Variants in KIRREL3 observed in about 807,000 individuals in gnomAD.
The protein encoded by KIRREL3 is kirre like nephrin family adhesion molecule 3.
A neutral mutation model predicts 89.7 loss-of-function variants in KIRREL3; 36 were observed. The ratio of observed to expected loss-of-function variants is 0.40; its 90% CI spans 0.31 to 0.53. KIRREL3 has a LOEUF of 0.53. KIRREL3 is among the 20% of genes least tolerant of loss of function. KIRREL3 has a pLI of 0.49. For missense variants in KIRREL3, 864 were observed against 1,056.6 expected (o/e 0.82, Z 2.53); for synonymous variants, 445 against 441.4 (o/e 1.01, Z -0.10).
chr11:126,949,887 A>G (rs1009024678), intron 1 of KIRREL3, among the ~76,000 whole-genome samples: 13 of 152,204 alleles, frequency 8.5e-5, no homozygotes. Context: ...AGCCAAGCTC[A>G]CATCGAGTTC....
chr11:126,581,144 G>T (rs1030132627), intron 1 of KIRREL3, among the ~76,000 whole-genome samples: 1 of 152,010 alleles, frequency 6.6e-6, no homozygotes, highest in Admixed American at 6.6e-5. Flanking sequence ...TCCTCTCATT[G>T]ATTAAATTTT....
chr11:126,513,733 T>C lies in KIRREL3; in HGVS notation c.433+7582A>G, dbSNP rs1372447242. 6.6e-6 allele frequency among the ~76,000 whole-genome samples: 1 copy of C among 151,986 alleles called. No homozygotes were observed. Among genetic ancestry groups the C allele is most frequent in the Non-Finnish European group, 1.5e-5 (1 of 67,972 alleles). ...GGCAGGGAGATTGTGGGGGGCGACCTTGGAGTGCAGCAGGAGGGCAGGGCT... is the reference window on the plus strand; with the variant it reads ...GGCAGGGAGATTGTGGGGGGCGACCCTGGAGTGCAGCAGGAGGGCAGGGCT... On this transcript the variant is annotated intron_variant, in intron 4 of 16. Transcript: ENST00000525144. The surrounding 1 kb of genome is among the most constrained non-coding windows in gnomAD (Gnocchi z 5.9).
chr11:126,743,067 C>T (rs929525038), intron 1 of KIRREL3, among the ~76,000 whole-genome samples: 1 of 152,208 alleles, frequency 6.6e-6, no homozygotes, highest in African/African-American at 2.4e-5. Flanking sequence ...TTCCCTTAGA[C>T]AGGGCAGATG....
Position 126,603,802 on chromosome 11 carries a change from TGGGAA to T in KIRREL3, c.56-40895_56-40891del, listed in dbSNP as rs558362088. ...GCTCCGGATTGACCAGGGTTTCTGA[TGGGAA>T]GGGATGTATGGGAGAAGCCAGGGAG... On this transcript the variant is annotated intron_variant, in intron 1 of 16. Transcript: ENST00000525144. Among the ~76,000 whole-genome samples, 279 of 152,306 alleles carry T rather than the reference TGGGAA, an allele frequency of 1.8e-3. 1 individual carries two copies. Among genetic ancestry groups the T allele is most frequent in the African/African-American group, 6.5e-3 (269 of 41,572 alleles).
At chr11:126,792,527 T>A (rs1039018688) in intron 1 of KIRREL3, among the ~76,000 whole-genome samples, 1 of 152,198 alleles carries the variant, frequency 6.6e-6, no homozygotes, top group African/African-American at 2.4e-5. Context: ...TTTACCTGTC[T>A]AATGGCCCAG....
intron 1 of KIRREL3, among the ~76,000 whole-genome samples, chr11:126,726,651 A>G (rs905520387): frequency 6.6e-6 from 1 of 152,064 alleles, no homozygotes; most frequent in Non-Finnish European, 1.5e-5. Context: ...AACAGGTGTG[A>G]GCCATGTGAG....
chr11:126,659,786 T>C (rs527238475), intron 1 of KIRREL3, among the ~76,000 whole-genome samples: 1 of 152,326 alleles, frequency 6.6e-6, no homozygotes, highest in East Asian at 1.9e-4. Flanking sequence ...TGAACTGGAA[T>C]TTCTATGAGC....
At chr11:126,722,044 A>G (rs1448390007) in intron 1 of KIRREL3, among the ~76,000 whole-genome samples, 1 of 152,168 alleles carries the variant, frequency 6.6e-6, no homozygotes, top group African/African-American at 2.4e-5. Context: ...GCTCCCAATG[A>G]TATGTCATAA....
chr11:126,730,560 T>C (rs12286090), intron 1 of KIRREL3, among the ~76,000 whole-genome samples: 24,076 of 152,098 alleles, frequency 0.16, 2,016 homozygotes, highest in African/African-American at 0.18. Context: ...TTTGGCAACG[T>C]CCAGGGACAA....
chr11:126,810,121 G>T (rs1235886085), intron 1 of KIRREL3, among the ~76,000 whole-genome samples: 2 of 152,112 alleles, frequency 1.3e-5, no homozygotes, highest in Non-Finnish European at 2.9e-5. Context: ...ATGATGGGGA[G>T]GGGGAGTGCT....
At chr11:126,975,184 C>T (rs2135228222) in intron 1 of KIRREL3, among the ~76,000 whole-genome samples, 1 of 152,276 alleles carries the variant, frequency 6.6e-6, no homozygotes, top group Non-Finnish European at 1.5e-5. Context: ...TATGTGGCAC[C>T]TAACTGTATT....
rs1944658479 is a variant in KIRREL3, at chr11:126,860,142, T to C, written c.55+140313A>G. Among the ~76,000 whole-genome samples the C allele has an allele frequency of 6.6e-6, 1 of 152,154 alleles. No individual in the cohort carries two copies. ...ATAAGGAGAGAAAGAGGGAGGATGATATTGGAATTAATTTCAATACAACAA... is the reference window on the plus strand; with the variant it reads ...ATAAGGAGAGAAAGAGGGAGGATGACATTGGAATTAATTTCAATACAACAA... On this transcript the variant is annotated intron_variant, in intron 1 of 16. Coordinates refer to ENST00000525144, the MANE Select transcript of KIRREL3 (RefSeq NM_032531.4). This position sits in a 1 kb window ranked among gnomAD's most constrained non-coding sequence, Gnocchi z 4.6.
At chr11:126,629,455 T>C (rs1218602012) in intron 1 of KIRREL3, among the ~76,000 whole-genome samples, 1 of 152,128 alleles carries the variant, frequency 6.6e-6, no homozygotes, top group East Asian at 1.9e-4. Context: ...TCACGATACT[T>C]TTCTCTCCAA....
chr11:126,821,613 A>G (rs892099267), intron 1 of KIRREL3, among the ~76,000 whole-genome samples: 5 of 151,992 alleles, frequency 3.3e-5, no homozygotes, highest in Non-Finnish European at 7.4e-5. Flanking sequence ...GTGAATGTGA[A>G]TGTGTTATGT....
intron 1 of KIRREL3, among the ~76,000 whole-genome samples, chr11:126,789,983 C>CA (rs1300605934): frequency 1.1e-4 from 17 of 152,188 alleles, no homozygotes; most frequent in African/African-American, 3.9e-4. Context: ...CATAGGACCT[C>CA]AAAACGACAC....
Position 126,652,709 on chromosome 11 carries a change from C to T in KIRREL3, c.56-89797G>A, listed in dbSNP as rs1565621699. 1.3e-5 allele frequency: 2 copies of T among 152,170 alleles called. No individual in the cohort carries two copies. Among genetic ancestry groups the T allele is most frequent in the Non-Finnish European group, 2.9e-5 (2 of 68,046 alleles). 9.4% of individuals were successfully genotyped at this position (152,170 alleles called of 1,614,324 possible). On this transcript the variant is annotated intron_variant, in intron 1 of 16. Transcript: ENST00000525144. This position sits in a 1 kb window ranked among gnomAD's most constrained non-coding sequence, Gnocchi z 4.9. ...CAATGCTGTCATTACAACCCCATCA[C>T]CTACCCTTACCCTTACCACACCAAA...
At chr11:126,858,130 C>A (rs1460647554) in intron 1 of KIRREL3, among the ~76,000 whole-genome samples, 1 of 152,174 alleles carries the variant, frequency 6.6e-6, no homozygotes, top group Admixed American at 6.5e-5. Flanking sequence ...TGCTGGGAAG[C>A]AATTTGGTCC....
chr11:126,900,727 G>A lies in KIRREL3; in HGVS notation c.55+99728C>T, dbSNP rs757306203. On this transcript the variant is annotated intron_variant, in intron 1 of 16. Transcript: ENST00000525144. The surrounding 1 kb of genome is among the most constrained non-coding windows in gnomAD (Gnocchi z 4.4). ...AAATCTTTCCTGTAATGATATTTAA[G>A]TGATGGGCAAGGGTATCAATGGTTC... Among the ~76,000 whole-genome samples the A allele has an allele frequency of 3.9e-5, 6 of 152,182 alleles. No homozygotes were observed. Among genetic ancestry groups the A allele is most frequent in the Non-Finnish European group, 8.8e-5 (6 of 68,022 alleles).
chr11:126,995,032 A>T lies in KIRREL3; in HGVS notation c.55+5423T>A. ...GTGTCTCGGTGCAGTCGATTCTCAC[A>T]TCATTCCTCTAACTGGAAATAAAAA... On this transcript the variant is annotated intron_variant, in intron 1 of 16. Transcript: ENST00000525144. This position sits in a 1 kb window ranked among gnomAD's most constrained non-coding sequence, Gnocchi z 6.5. 1 of 370,174 alleles carries T rather than the reference A, an allele frequency of 2.7e-6. No homozygotes were observed. Among genetic ancestry groups the T allele is most frequent in the Non-Finnish European group, 5.3e-6 (1 of 187,000 alleles). 22.9% of individuals were successfully genotyped at this position (370,174 alleles called of 1,614,324 possible).
Sources: gnomAD v4.1 joint callset for allele counts (sites outside exome capture counted in the v4.1 genomes callset) on GRCh38, gnomAD v4.1.1 for gene constraint, Gnocchi (gnomAD v3.1) non-coding constraint, MANE v1.5 for transcripts, NCBI Gene and HGNC (gene_info 2026-07-23, HGNC 2026-07-21) for gene names.